PCBD2: variants seen among roughly 807,000 people sequenced by gnomAD.
PCBD2 encodes pterin-4 alpha-carbinolamine dehydratase 2, also known as pterin-4-alpha-carbinolamine dehydratase 2.
In PCBD2, 12 loss-of-function variants were observed where a neutral mutation model predicts 16.4. That is an observed-to-expected ratio of 0.73 (90% CI 0.47 to 1.19). PCBD2 has a LOEUF of 1.19. PCBD2 is among the 50% of genes most tolerant of loss of function. The probability of loss-of-function intolerance (pLI) is 0.00; values close to 1 mark genes in which losing one functional copy is unlikely to be tolerated. For synonymous variants in PCBD2, 58 were observed against 61.8 expected, an observed-to-expected ratio of 0.94 and a Z score of 0.29; for missense variants, 138 against 156.8, an observed-to-expected ratio of 0.88 and a Z score of 0.64.
intron 1 of PCBD2, among the ~76,000 whole-genome samples, chr5:134,905,866 ATGTTT>A (rs535071277): frequency 1.1e-3 from 166 of 152,160 alleles, no homozygotes; most frequent in African/African-American, 3.7e-3. Context: ...TCAGTTTGAA[ATGTTT>A]TGTTTTGTTT....
chr5:134,932,654 TA>T (rs1751112188), intron 2 of PCBD2, among the ~76,000 whole-genome samples: 1 of 152,078 alleles, frequency 6.6e-6, no homozygotes, highest in Admixed American at 6.5e-5. Flanking sequence ...TTTTTAATTT[TA>T]CTTTTTTTTG....
chr5:134,928,740 C>T (rs1239604538), intron 2 of PCBD2, among the ~76,000 whole-genome samples: 2 of 152,120 alleles, frequency 1.3e-5, no homozygotes, highest in Non-Finnish European at 2.9e-5. Context: ...GAGGCTGAGG[C>T]AGGAGAATGG....
At position 134,922,015 on chromosome 5, in the gene PCBD2, C is replaced by T. The variant is rs561826369; in HGVS notation, c.216+11549C>T. Among the ~76,000 whole-genome samples, 5 of 152,332 alleles carry T rather than the reference C, an allele frequency of 3.3e-5. No homozygotes were observed. The South Asian group carries it at 1.0e-3, about 32-fold the overall frequency. ...CCTAAGCCTACCTCGCATTACTCTG[C>T]AAGAAGCCTCTTTGCTCAGAGATTA... is the stretch of plus-strand genomic sequence containing the variant. On this transcript the variant is annotated intron_variant, in intron 2 of 3. Transcript: ENST00000254908.
At chr5:134,923,545 A>T (rs1175977238) in intron 2 of PCBD2, 1 of 312,758 alleles carries the variant, frequency 3.2e-6, no homozygotes, top group Non-Finnish European at 5.8e-6. Flanking sequence ...CTATCTACTG[A>T]GTAGCCTCCT....
intron 2 of PCBD2, among the ~76,000 whole-genome samples, chr5:134,938,406 T>A (rs925337651): frequency 7.2e-5 from 11 of 152,336 alleles, no homozygotes; most frequent in African/African-American, 2.6e-4. Flanking sequence ...ATGACCATTT[T>A]TTGTTTATAA....
intron 2 of PCBD2, chr5:134,925,267 G>A: frequency 2.5e-6 from 1 of 398,588 alleles, no homozygotes. Flanking sequence ...TATGTTTGCG[G>A]TTTCGATGAT....
intron 2 of PCBD2, among the ~76,000 whole-genome samples, chr5:134,943,584 C>T (rs1751257668): frequency 6.6e-6 from 1 of 152,104 alleles, no homozygotes; most frequent in African/African-American, 2.4e-5. Context: ...CTTTAATTTC[C>T]TGAATCAAAA....
rs184784959 is a variant in PCBD2, at chr5:134,908,448, C to T, written c.85-1887C>T. 4.5e-4 allele frequency among the ~76,000 whole-genome samples: 69 copies of T among 152,020 alleles called. No homozygotes were observed. In the East Asian group the frequency reaches 8.0e-3, roughly 18 times the overall value. ...GGGAGGCTAAGGTGGGCGGATCCCTCGAGGTCAGGAGTTTGCAACTAGCCT... is the reference window on the plus strand; with the variant it reads ...GGGAGGCTAAGGTGGGCGGATCCCTTGAGGTCAGGAGTTTGCAACTAGCCT... On this transcript the variant is annotated intron_variant, in intron 1 of 3. Coordinates refer to ENST00000254908, the MANE Select transcript of PCBD2 (RefSeq NM_032151.5).
intron 2 of PCBD2, chr5:134,924,208 G>T (rs1292476419): frequency 7.6e-6 from 3 of 395,944 alleles, no homozygotes; most frequent in Non-Finnish European, 1.3e-5. Flanking sequence ...ATTTATGGGG[G>T]TTTAGTATTG....
rs1482363387 is a variant in PCBD2 at position 134,905,207 on chromosome 5, T to C, written c.68T>C (p.Leu23Pro). The C allele has an allele frequency of 1.6e-6, 2 of 1,223,274 alleles. No individual in the cohort carries two copies. Among genetic ancestry groups the C allele is most frequent in the East Asian group, 3.2e-5 (1 of 30,952 alleles). 75.8% of individuals were successfully genotyped at this position (1,223,274 alleles called of 1,614,324 possible). ...TTGGCGGCGCTGCGAGGCCAGAGCC[T>C]AGGGCTAGCGGCCATGGTGAGTGCA... ...RLLAALRGQS[L>P]GLAAMSSGTH... Residue 23 changes from leucine to proline, a missense_variant, in exon 1 of 4, where the codon CTA becomes CCA. By Grantham distance (98) the Leu-to-Pro change is moderately conservative (BLOSUM62 -3). Transcript: ENST00000254908.
At chr5:134,935,348 C>T (rs1418689232) in intron 2 of PCBD2, among the ~76,000 whole-genome samples, 1 of 152,118 alleles carries the variant, frequency 6.6e-6, no homozygotes, top group Non-Finnish European at 1.5e-5. Context: ...TGGGTACATG[C>T]CCTCATCCCT....
chr5:134,930,138 A>G (rs1024471926), intron 2 of PCBD2, among the ~76,000 whole-genome samples: 1 of 152,238 alleles, frequency 6.6e-6, no homozygotes, highest in Non-Finnish European at 1.5e-5. Flanking sequence ...AAGTTAGGAC[A>G]AGACTAAATG....
intron 1 of PCBD2, among the ~76,000 whole-genome samples, chr5:134,908,625 A>G (rs35332019): frequency 0.036 from 5,277 of 148,614 alleles, 127 homozygotes; most frequent in Non-Finnish European, 0.056. Flanking sequence ...AGATCACACC[A>G]CTGCACTCCA....
At chr5:134,957,917 G>C (rs1398422651) in intron 2 of PCBD2, among the ~76,000 whole-genome samples, 1 of 152,238 alleles carries the variant, frequency 6.6e-6, no homozygotes, top group Non-Finnish European at 1.5e-5. Context: ...GGCTCCGAGA[G>C]AGGTACCATA....
chr5:134,925,185 T>G (rs1223635144), intron 2 of PCBD2: 1 of 398,418 alleles, frequency 2.5e-6, no homozygotes. Context: ...GAAGAATTAT[T>G]CGAGTGCTAT....
At chr5:134,937,318 A>G (rs930468801) in intron 2 of PCBD2, among the ~76,000 whole-genome samples, 32 of 152,208 alleles carry the variant, frequency 2.1e-4, no homozygotes, top group African/African-American at 7.7e-4. Context: ...CATTCCATCT[A>G]CAGATATTTC....
At chr5:134,906,305 G>A (rs1217180585) in intron 1 of PCBD2, among the ~76,000 whole-genome samples, 6 of 137,606 alleles carry the variant, frequency 4.4e-5, no homozygotes, top group African/African-American at 1.4e-4. Flanking sequence ...CCGGGTTCAC[G>A]CCATTTTCCT....
At chr5:134,944,129 T>C (rs1360133780) in intron 2 of PCBD2, among the ~76,000 whole-genome samples, 2 of 152,362 alleles carry the variant, frequency 1.3e-5, no homozygotes, top group African/African-American at 2.4e-5. Context: ...TGAATTGTTA[T>C]CTGCCGAATG....
chr5:134,926,434 G>A (rs1315014267), intron 2 of PCBD2: 2 of 392,394 alleles, frequency 5.1e-6, no homozygotes, highest in Admixed American at 4.5e-5. Context: ...TAGGGCTAGG[G>A]TGGGTATAGT....
Sources: gnomAD v4.1 joint callset for allele counts (sites outside exome capture counted in the v4.1 genomes callset) on GRCh38, gnomAD v4.1.1 for gene constraint, MANE v1.5 for transcripts, NCBI Gene and HGNC (gene_info 2026-07-23, HGNC 2026-07-21) for gene names.